Variants in WDPCP observed in about 807,000 individuals in gnomAD.
WDPCP encodes WD repeat containing planar cell polarity effector.
WDPCP carries 71 observed loss-of-function variants against 93.1 expected under a neutral mutation model. The observed-to-expected ratio is 0.76, with a 90% CI of 0.63 to 0.93. The LOEUF (loss-of-function observed/expected upper bound fraction) is 0.93, where lower values mean the gene tolerates loss of function less well. WDPCP is among the 40% of genes least tolerant of loss of function. The pLI is 0.00. For missense variants in WDPCP, 844 were observed against 887.4 expected (o/e 0.95, Z 0.62); for synonymous variants, 315 against 315.0 (o/e 1.00, Z 0.00).
chr2:63,839,630 T>C, the WDPCP span, among the ~76,000 whole-genome samples: 1 of 152,272 alleles, frequency 6.6e-6, no homozygotes, highest in Non-Finnish European at 1.5e-5. Context: ...GCAGGCTAAG[T>C]AACCCTACGT....
At chr2:63,240,739 A>T (rs1392752887) in intron 14 of WDPCP, among the ~76,000 whole-genome samples, 1 of 152,144 alleles carries the variant, frequency 6.6e-6, no homozygotes, top group Non-Finnish European at 1.5e-5. Context: ...ATAATTTGCT[A>T]GTCTAATAAG....
chr2:63,635,244 A>G (rs529613198), intron 3 of WDPCP, among the ~76,000 whole-genome samples: 41 of 152,272 alleles, frequency 2.7e-4, no homozygotes, highest in Non-Finnish European at 5.7e-4. Flanking sequence ...TCTCCCAAAA[A>G]AGAAAAGACC....
At chr2:63,540,106 T>C (rs529554779) in intron 1 of WDPCP, among the ~76,000 whole-genome samples, 7 of 152,336 alleles carry the variant, frequency 4.6e-5, no homozygotes, top group African/African-American at 1.7e-4. Context: ...AAAGATGCTA[T>C]GTATAAGTAT....
intron 11 of WDPCP, among the ~76,000 whole-genome samples, chr2:63,380,161 A>G (rs1692180945): frequency 6.6e-6 from 1 of 152,068 alleles, no homozygotes; most frequent in East Asian, 1.9e-4. Flanking sequence ...CTTTAACTGT[A>G]AATTTATGAT....
At chr2:63,437,790 T>G in intron 7 of WDPCP, 2 of 1,469,052 alleles carry the variant, frequency 1.4e-6, no homozygotes, top group South Asian at 2.6e-5. Context: ...CACTGATATT[T>G]GGGGACCACC....
chr2:63,823,227 G>A (rs1370943119), intron 1 of WDPCP, among the ~76,000 whole-genome samples: 1 of 150,982 alleles, frequency 6.6e-6, no homozygotes, highest in Non-Finnish European at 1.5e-5. Context: ...AAAAACTTTG[G>A]CCAGGCGCAG....
intron 12 of WDPCP, among the ~76,000 whole-genome samples, chr2:63,374,467 T>C (rs1324054021): frequency 6.6e-6 from 1 of 152,204 alleles, no homozygotes; most frequent in African/African-American, 2.4e-5. Context: ...TTGAATGTTC[T>C]TAGGTTAACT....
At chr2:63,412,828 T>C (rs1695120881) in intron 9 of WDPCP, among the ~76,000 whole-genome samples, 1 of 150,886 alleles carries the variant, frequency 6.6e-6, no homozygotes, top group Non-Finnish European at 1.5e-5. Context: ...AGTCGAAAGA[T>C]CTCTACGAGG....
At chr2:63,223,719 A>G (rs1249893053) in intron 14 of WDPCP, among the ~76,000 whole-genome samples, 2 of 152,098 alleles carry the variant, frequency 1.3e-5, no homozygotes, top group Non-Finnish European at 2.9e-5. Flanking sequence ...TGTGTATGCT[A>G]TTAGGCGGGG....
chr2:63,624,914 A>G (rs1575732963), intron 3 of WDPCP, among the ~76,000 whole-genome samples: 1 of 152,252 alleles, frequency 6.6e-6, no homozygotes, highest in Non-Finnish European at 1.5e-5. Context: ...ATGAACATTG[A>G]TGTGAAAATC....
In WDPCP at chr2:63,558,950, G is replaced by C. The variant is rs190727330; in HGVS notation, c.75+29247C>G. 2.0e-5 allele frequency among the ~76,000 whole-genome samples: 3 copies of C among 152,240 alleles called. No individual in the cohort carries two copies. The East Asian group carries it at 5.8e-4, about 29-fold the overall frequency. ...CATTTTATGATGCCAGCATCATCCT[G>C]ATACCAAAACCTGGCAGAGATACAA... is the stretch of plus-strand genomic sequence containing the variant. On this transcript the variant is annotated intron_variant, in intron 1 of 17. Transcript: ENST00000272321.
chr2:63,494,287 T>TGACGAC (rs11281691), intron 1 of WDPCP, among the ~76,000 whole-genome samples: 2,043 of 150,412 alleles, frequency 0.014, 29 homozygotes, highest in Middle Eastern at 0.028. Context: ...ATGATGATGA[T>TGACGAC]GACGACGACG....
chr2:63,467,256 G>A (rs1377570347), intron 6 of WDPCP, among the ~76,000 whole-genome samples: 1 of 152,158 alleles, frequency 6.6e-6, no homozygotes. Flanking sequence ...AAGGTGGACA[G>A]ATCACCTGAG....
intron 14 of WDPCP, among the ~76,000 whole-genome samples, chr2:63,242,605 G>A (rs1485724115): frequency 6.6e-6 from 1 of 152,166 alleles, no homozygotes; most frequent in Non-Finnish European, 1.5e-5. Context: ...CGTGGCAACA[G>A]AGCGAGACAT....
intron 1 of WDPCP, among the ~76,000 whole-genome samples, chr2:63,575,335 G>GTATATGGTATATACA (rs1707852444): frequency 3.9e-5 from 5 of 128,716 alleles, no homozygotes; most frequent in Admixed American, 2.5e-4. Flanking sequence ...CAGTATATAT[G>GTATATGGTATATACA]GTATATACTG....
At chr2:63,543,786 T>G (rs907888937) in intron 1 of WDPCP, among the ~76,000 whole-genome samples, 15 of 152,054 alleles carry the variant, frequency 9.9e-5, no homozygotes, top group African/African-American at 3.6e-4. Context: ...TACAGAAAAT[T>G]ACTCAAATCC....
chr2:63,397,586 A>G (rs1693832331), intron 10 of WDPCP, among the ~76,000 whole-genome samples: 1 of 152,222 alleles, frequency 6.6e-6, no homozygotes, highest in African/African-American at 2.4e-5. Context: ...AGGCAGAAGA[A>G]GAGCATAAAA....
At chr2:63,536,933 T>C (rs1187041218) in intron 1 of WDPCP, among the ~76,000 whole-genome samples, 2 of 151,890 alleles carry the variant, frequency 1.3e-5, no homozygotes, top group African/African-American at 4.8e-5. Context: ...ACCCAGCCAA[T>C]TTTTTTGTAT....
intron 1 of WDPCP, among the ~76,000 whole-genome samples, chr2:63,504,324 TTGTGTGTGTGTGTGTGTGTGTG>T (rs60202196): frequency 1.4e-5 from 2 of 138,022 alleles, no homozygotes; most frequent in East Asian, 4.3e-4. Flanking sequence ...ACGTACTAAA[TTGTGTGTGTGTGTGTGTGTGTG>T]TGTGTGTGTG....
Sources: gnomAD v4.1 joint callset for allele counts (sites outside exome capture counted in the v4.1 genomes callset) on GRCh38, gnomAD v4.1.1 for gene constraint, MANE v1.5 for transcripts, NCBI Gene and HGNC (gene_info 2026-07-23, HGNC 2026-07-21) for gene names.